Variants in FRAS1 observed in about 807,000 individuals in gnomAD.
FRAS1 encodes the protein extracellular matrix organizing protein FRAS1.
FRAS1 carries 290 observed loss-of-function variants against 435.2 expected under a neutral mutation model. The observed-to-expected ratio is 0.67, with a 90% confidence interval of 0.61 to 0.73. FRAS1 has a LOEUF of 0.73. FRAS1 is among the 30% of genes least tolerant of loss of function. The pLI is 0.00. For missense variants in FRAS1, 4,860 were observed against 5,001.5 expected (o/e 0.97, Z 0.85); for synonymous variants, 1,800 against 1,851.0 (o/e 0.97, Z 0.71).
At chr4:78,292,991 TG>T (rs1466984659) in intron 14 of FRAS1, among the ~76,000 whole-genome samples, 2 of 152,230 alleles carry the variant, frequency 1.3e-5, no homozygotes, top group Non-Finnish European at 2.9e-5. Flanking sequence ...TGGTATCTCC[TG>T]TCTCTTCGAT....
intron 27 of FRAS1, 116 bp from the exon 28 acceptor site, chr4:78,383,943 G>T: frequency 1.5e-6 from 1 of 689,154 alleles, no homozygotes; most frequent in Non-Finnish European, 2.5e-6. Flanking sequence ...CATTACTGCA[G>T]CAGTTTGATC....
chr4:78,365,966 GA>G (rs199938373), intron 22 of FRAS1, among the ~76,000 whole-genome samples: 73 of 139,544 alleles, frequency 5.2e-4, no homozygotes, highest in East Asian at 1.5e-3. Context: ...GTCTGTCTCA[GA>G]AAAAAAAAAA....
At chr4:78,236,889 A>G (rs1724785519) in intron 2 of FRAS1, among the ~76,000 whole-genome samples, 1 of 152,148 alleles carries the variant, frequency 6.6e-6, no homozygotes, top group African/African-American at 2.4e-5. Context: ...ATAATTTGTG[A>G]GATCCTTATG....
intron 14 of FRAS1, among the ~76,000 whole-genome samples, chr4:78,289,924 G>T (rs929777509): frequency 6.6e-6 from 1 of 152,144 alleles, no homozygotes; most frequent in Non-Finnish European, 1.5e-5. Context: ...CACCAGAACA[G>T]TGGTTCCATT....
intron 9 of FRAS1, among the ~76,000 whole-genome samples, chr4:78,267,651 A>G (rs1726434223): frequency 6.6e-6 from 1 of 152,242 alleles, no homozygotes; most frequent in African/African-American, 2.4e-5. Flanking sequence ...TTTAGCTCTC[A>G]GTACATCTGG....
chr4:78,187,643 G>C (rs1722329510), intron 2 of FRAS1, among the ~76,000 whole-genome samples: 1 of 151,140 alleles, frequency 6.6e-6, no homozygotes, highest in African/African-American at 2.4e-5. Context: ...TTATTCTGTT[G>C]CCCAGGCTGG....
intron 2 of FRAS1, among the ~76,000 whole-genome samples, chr4:78,069,070 G>A (rs1441946056): frequency 6.6e-6 from 1 of 152,160 alleles, no homozygotes; most frequent in Non-Finnish European, 1.5e-5. Context: ...TAGTGTAAGA[G>A]GCGTCATTTT....
intron 2 of FRAS1, among the ~76,000 whole-genome samples, chr4:78,083,489 A>G (rs939445820): frequency 6.6e-6 from 1 of 152,178 alleles, no homozygotes. Context: ...AAGAAAGAGC[A>G]GAATGAGATT....
intron 2 of FRAS1, among the ~76,000 whole-genome samples, chr4:78,185,880 C>G (rs536622437): frequency 6.6e-6 from 1 of 152,148 alleles, no homozygotes; most frequent in Non-Finnish European, 1.5e-5. Context: ...CTTAATTTGG[C>G]ATTTTCTATT....
At chr4:78,212,660 C>A (rs562749693) in intron 2 of FRAS1, among the ~76,000 whole-genome samples, 1 of 152,274 alleles carries the variant, frequency 6.6e-6, no homozygotes, top group South Asian at 2.1e-4. Flanking sequence ...CTCACAGGGT[C>A]AAATGTATGA....
At chr4:78,334,348 G>A (rs1578258835) in intron 19 of FRAS1, among the ~76,000 whole-genome samples, 1 of 135,454 alleles carries the variant, frequency 7.4e-6, no homozygotes, top group Non-Finnish European at 1.6e-5. Context: ...AAAACATAAA[G>A]TCATAACCAA....
intron 20 of FRAS1, among the ~76,000 whole-genome samples, chr4:78,346,308 T>G (rs1318635336): frequency 6.6e-6 from 1 of 152,216 alleles, no homozygotes; most frequent in African/African-American, 2.4e-5. Flanking sequence ...ATCACATATA[T>G]TATGTCATTT....
intron 2 of FRAS1, among the ~76,000 whole-genome samples, chr4:78,133,377 G>C (rs1719770282): frequency 6.6e-6 from 1 of 152,096 alleles, no homozygotes; most frequent in Non-Finnish European, 1.5e-5. Context: ...AGGCTGGGAA[G>C]GGTAGTGGGG....
At chr4:78,204,424 A>G (rs765042802) in intron 2 of FRAS1, among the ~76,000 whole-genome samples, 5 of 152,232 alleles carry the variant, frequency 3.3e-5, no homozygotes, top group African/African-American at 1.2e-4. Context: ...TGCTTTCCCA[A>G]AGTAAATGTA....
chr4:78,507,415 G>A lies in FRAS1; in HGVS notation c.9317-6G>A, dbSNP rs1182101215. 1.2e-6 allele frequency: 2 copies of A among 1,605,996 alleles called. No individual in the cohort carries two copies. Among genetic ancestry groups the A allele is most frequent in the Non-Finnish European group, 1.7e-6 (2 of 1,177,092 alleles). The stretch of plus-strand genomic sequence containing the variant: ...TTGCTCTCTTTTTGTTCTGTCCTTG[G>A]CGAAGGTGTGGATCATATCTTTTTT... On this transcript the variant is annotated splice_region_variant and splice_polypyrimidine_tract_variant and intron_variant, in intron 61 of 73. Coordinates refer to ENST00000512123, the MANE Select transcript of FRAS1 (RefSeq NM_025074.7).
chr4:78,415,771 G>T (rs756587092), intron 32 of FRAS1, among the ~76,000 whole-genome samples: 1 of 152,152 alleles, frequency 6.6e-6, no homozygotes, highest in Non-Finnish European at 1.5e-5. Context: ...AGGCAAATAA[G>T]GTGTTGAGGG....
At chr4:78,276,733 G>T (rs1727060807) in intron 9 of FRAS1, among the ~76,000 whole-genome samples, 1 of 152,224 alleles carries the variant, frequency 6.6e-6, no homozygotes, top group East Asian at 1.9e-4. Context: ...CTACTGGAGG[G>T]TGCCTCCCAG....
chr4:78,259,371 G>C (rs1235318235), intron 6 of FRAS1, among the ~76,000 whole-genome samples: 1 of 138,104 alleles, frequency 7.2e-6, no homozygotes, highest in Non-Finnish European at 1.6e-5. Context: ...AGCACCTGTT[G>C]TTTCCTGACT....
At position 78,066,016 on chromosome 4, in the gene FRAS1, G is replaced by T; in HGVS notation, c.108G>T (p.Ala36=). Residue 36 remains alanine (A), a splice_region_variant and synonymous_variant, in exon 2 of 74, where the codon GCG becomes GCT. Coordinates refer to ENST00000512123, the MANE Select transcript of FRAS1 (RefSeq NM_025074.7). Reference sequence around the variant, plus strand: ...GTGTCTATCAGGATTCCTTGTTGGCGGTAGGTCATTCTTTACATACTTGGT... The same window carrying T: ...GTGTCTATCAGGATTCCTTGTTGGCTGTAGGTCATTCTTTACATACTTGGT... ...GACVYQDSLL[A]DATIWKPDSC... 1.2e-6 allele frequency: 2 copies of T among 1,602,780 alleles called. No individual in the cohort carries two copies.
Sources: allele counts gnomAD v4.1 joint callset (sites outside exome capture counted in the v4.1 genomes callset), GRCh38; gene constraint gnomAD v4.1.1; transcripts MANE v1.5; gene names NCBI Gene and HGNC (gene_info 2026-07-23, HGNC 2026-07-21).